Variants in SLC2A13 observed in about 807,000 individuals in gnomAD.
The protein encoded by SLC2A13 is proton myo-inositol cotransporter.
SLC2A13 carries 32 observed loss-of-function variants against 64.4 expected under a neutral mutation model. The ratio of observed to expected loss-of-function variants is 0.50; its 90% CI spans 0.37 to 0.67. The LOEUF is 0.67. SLC2A13 is among the 30% of genes least tolerant of loss of function. SLC2A13 has a pLI of 0.00. For missense variants in SLC2A13, 743 were observed against 829.2 expected, an observed-to-expected ratio of 0.90 and a Z score of 1.28; for synonymous variants, 338 against 327.1, an observed-to-expected ratio of 1.03 and a Z score of -0.36.
Position 40,056,649 on chromosome 12 carries a change from C to T in SLC2A13, c.557-8439G>A, listed in dbSNP as rs182060790. ...GTGGCCTAAATCAGAGCTAAAAGGA[C>T]GTGAATCACCTGAATACAGATGATA... On this transcript the variant is annotated intron_variant, in intron 1 of 9. Coordinates refer to ENST00000280871, the MANE Select transcript of SLC2A13 (RefSeq NM_052885.4). 3.6e-3 allele frequency among the ~76,000 whole-genome samples: 550 copies of T among 152,170 alleles called. 2 individuals carry two copies. Among genetic ancestry groups the T allele is most frequent in the Non-Finnish European group, 7.0e-3 (479 of 67,994 alleles).
At chr12:39,926,353 C>T (rs1350600795) in intron 4 of SLC2A13, among the ~76,000 whole-genome samples, 1 of 152,156 alleles carries the variant, frequency 6.6e-6, no homozygotes, top group African/African-American at 2.4e-5. Context: ...AGATCCAAGG[C>T]ATGTTATCAT....
intron 3 of SLC2A13, among the ~76,000 whole-genome samples, chr12:39,993,996 T>TTCTG (rs2136170712): frequency 6.6e-6 from 1 of 152,278 alleles, no homozygotes; most frequent in Non-Finnish European, 1.5e-5. Flanking sequence ...AAGAAACAGG[T>TTCTG]TCTGGTATCC....
At chr12:39,784,607 A>G (rs552132420) in intron 7 of SLC2A13, among the ~76,000 whole-genome samples, 21 of 152,352 alleles carry the variant, frequency 1.4e-4, no homozygotes, top group African/African-American at 4.6e-4. Context: ...TGTTAGACCT[A>G]AAACCATAAA....
intron 1 of SLC2A13, among the ~76,000 whole-genome samples, chr12:40,077,715 A>C (rs1391167606): frequency 6.6e-6 from 1 of 152,122 alleles, no homozygotes; most frequent in African/African-American, 2.4e-5. Context: ...GGGTAGAAAT[A>C]GCATTGAATC....
chr12:40,038,979 T>A (rs1286068055), intron 2 of SLC2A13, among the ~76,000 whole-genome samples: 1 of 152,152 alleles, frequency 6.6e-6, no homozygotes, highest in Admixed American at 6.5e-5. Flanking sequence ...TTTGCCCATT[T>A]TTTTATTGTG....
intron 4 of SLC2A13, among the ~76,000 whole-genome samples, chr12:39,941,930 C>A (rs1946034616): frequency 6.6e-6 from 1 of 152,204 alleles, no homozygotes; most frequent in African/African-American, 2.4e-5. Context: ...CTACATGTGG[C>A]TAGCCAATCA....
At chr12:39,989,449 TA>T (rs1298527056) in intron 3 of SLC2A13, among the ~76,000 whole-genome samples, 1 of 152,172 alleles carries the variant, frequency 6.6e-6, no homozygotes, top group Non-Finnish European at 1.5e-5. Flanking sequence ...CCACTAGAAA[TA>T]AAACTTTAAG....
intron 4 of SLC2A13, among the ~76,000 whole-genome samples, chr12:39,896,469 T>TATATGTATATGTGTGTATATATGTACAC (rs1565528596): frequency 6.9e-6 from 1 of 144,666 alleles, no homozygotes; most frequent in Non-Finnish European, 1.5e-5. Context: ...TATGTATACA[T>TATATGTATATGTGTGTATATATGTACAC]ATATGTATAT....
intron 1 of SLC2A13, among the ~76,000 whole-genome samples, chr12:40,073,047 C>G (rs773655043): frequency 3.9e-5 from 6 of 152,090 alleles, no homozygotes; most frequent in Admixed American, 6.6e-5. Flanking sequence ...TGTGCTGGCC[C>G]TAGAGTTTGC....
intron 1 of SLC2A13, among the ~76,000 whole-genome samples, chr12:40,073,970 C>G (rs1408092043): frequency 6.6e-6 from 1 of 151,978 alleles, no homozygotes; most frequent in Non-Finnish European, 1.5e-5. Context: ...TTTCCTTTCT[C>G]TCTTCCTGAT....
chr12:39,866,794 G>T lies in SLC2A13; in HGVS notation c.1199-1912C>A, dbSNP rs1325919440. Among the ~76,000 whole-genome samples, 4 of 152,138 alleles carry T rather than the reference G, an allele frequency of 2.6e-5. No homozygotes were observed. The East Asian group carries it at 7.7e-4, about 29-fold the overall frequency. ...GCGCCCGGCCGAAAGATGTTTTAAT[G>T]CTATAACATGTTAGTTATTATGCTA... On this transcript the variant is annotated intron_variant, in intron 5 of 9. Coordinates refer to ENST00000280871, the MANE Select transcript of SLC2A13 (RefSeq NM_052885.4).
intron 3 of SLC2A13, among the ~76,000 whole-genome samples, chr12:40,020,762 T>G (rs183454971): frequency 4.6e-5 from 7 of 152,270 alleles, no homozygotes; most frequent in Admixed American, 2.6e-4. Flanking sequence ...GCATAGCAAT[T>G]TGTCGTATCT....
At chr12:39,910,435 T>C (rs1191939759) in intron 4 of SLC2A13, among the ~76,000 whole-genome samples, 4 of 152,126 alleles carry the variant, frequency 2.6e-5, no homozygotes, top group East Asian at 3.8e-4. Flanking sequence ...CTATGTGTTA[T>C]AGGTGAAGCT....
At chr12:39,994,594 A>C (rs1947196603) in intron 3 of SLC2A13, among the ~76,000 whole-genome samples, 2 of 152,136 alleles carry the variant, frequency 1.3e-5, no homozygotes, top group South Asian at 4.1e-4. Flanking sequence ...CACAAACACA[A>C]GCATATCTGT....
chr12:40,087,313 C>T (rs937537108), intron 1 of SLC2A13, among the ~76,000 whole-genome samples: 18 of 152,186 alleles, frequency 1.2e-4, no homozygotes, highest in Non-Finnish European at 2.5e-4. Flanking sequence ...CTCACTAAAT[C>T]TCTTAGTCTT....
At chr12:39,821,274 T>C (rs910585275) in intron 7 of SLC2A13, among the ~76,000 whole-genome samples, 1 of 151,892 alleles carries the variant, frequency 6.6e-6, no homozygotes, top group Non-Finnish European at 1.5e-5. Context: ...GCCGGGCGTG[T>C]TGGCGGGCGC....
intron 1 of SLC2A13, among the ~76,000 whole-genome samples, chr12:40,055,053 G>C (rs1161607938): frequency 6.6e-6 from 1 of 152,156 alleles, no homozygotes; most frequent in African/African-American, 2.4e-5. Flanking sequence ...GGTTGTTTTG[G>C]TTTGGCTGTC....
intron 2 of SLC2A13, among the ~76,000 whole-genome samples, chr12:40,038,105 C>G (rs1948020722): frequency 6.6e-6 from 1 of 152,148 alleles, no homozygotes; most frequent in Non-Finnish European, 1.5e-5. Flanking sequence ...TTAAACCTTT[C>G]CTCTTCTCTA....
At chr12:39,810,411 G>GAATTATAAATAAAATT (rs1215028082) in intron 7 of SLC2A13, among the ~76,000 whole-genome samples, 1 of 151,874 alleles carries the variant, frequency 6.6e-6, no homozygotes, top group Non-Finnish European at 1.5e-5. Context: ...TATTCTCATA[G>GAATTATAAATAAAATT]CATTTTATAA....
Sources: gnomAD v4.1 joint callset for allele counts (sites outside exome capture counted in the v4.1 genomes callset) on GRCh38, gnomAD v4.1.1 for gene constraint, MANE v1.5 for transcripts, NCBI Gene and HGNC (gene_info 2026-07-23, HGNC 2026-07-21) for gene names.